HDGFL3: variants seen among roughly 807,000 people sequenced by gnomAD.
HDGFL3 encodes the protein hepatoma-derived growth factor-related protein 3.
A neutral mutation model predicts 27.6 loss-of-function variants in HDGFL3; 6 were observed. The ratio of observed to expected loss-of-function variants is 0.22; its 90% CI spans 0.12 to 0.43. The LOEUF (loss-of-function observed/expected upper bound fraction) is 0.43, where lower values mean the gene tolerates loss of function less well. Ranked by LOEUF, HDGFL3 falls within the 20% of genes least tolerant of loss-of-function variation. HDGFL3 has a pLI of 1.00. For synonymous variants in HDGFL3, 88 were observed against 88.9 expected, an observed-to-expected ratio of 0.99 and a Z score of 0.05; for missense variants, 207 against 250.1, an observed-to-expected ratio of 0.83 and a Z score of 1.16.
intron 5 of HDGFL3, among the ~76,000 whole-genome samples, chr15:83,145,338 G>A (rs1288148946): frequency 1.3e-5 from 2 of 151,834 alleles, no homozygotes; most frequent in Non-Finnish European, 2.9e-5. Context: ...TGAAAACCAC[G>A]GTTAGCCATT....
At chr15:83,151,732 A>T (rs954770628) in intron 4 of HDGFL3, among the ~76,000 whole-genome samples, 2 of 152,256 alleles carry the variant, frequency 1.3e-5, no homozygotes, top group Non-Finnish European at 2.9e-5. Context: ...CCTAAAGGTC[A>T]TCTTGTCCTC....
At chr15:83,185,562 C>A (rs899811205) in intron 1 of HDGFL3, among the ~76,000 whole-genome samples, 75 of 152,052 alleles carry the variant, frequency 4.9e-4, no homozygotes, top group African/African-American at 1.7e-3. Context: ...AGAGGCTACC[C>A]GGAGGCGAGA....
chr15:83,182,794 T>C (rs1375533762), intron 1 of HDGFL3, among the ~76,000 whole-genome samples: 1 of 152,182 alleles, frequency 6.6e-6, no homozygotes, highest in Non-Finnish European at 1.5e-5. Flanking sequence ...GTTATATGCA[T>C]GCTGAAGTAT....
At chr15:83,116,105 C>T (rs2034635386) in intron 3 of HDGFL3, among the ~76,000 whole-genome samples, 1 of 152,168 alleles carries the variant, frequency 6.6e-6, no homozygotes, top group Non-Finnish European at 1.5e-5. Flanking sequence ...GAAAGTGGAG[C>T]AGAAAGGACG....
In HDGFL3 at chr15:83,119,674, G is replaced by T. The variant is rs1227474395; in HGVS notation, c.394-3933C>A. The T allele has an allele frequency of 2.5e-6, 4 of 1,614,068 alleles. No individual in the cohort carries two copies. The African/African-American group carries it at 5.3e-5, about 22-fold the overall frequency. On this transcript the variant is annotated intron_variant, in intron 3 of 3. Transcript: ENST00000568294. ...GTACCTGGTGATGGTGGCAGCCATA[G>T]CATGGGAGTAAGTCAGTTCACCTGG...
chr15:83,190,575 T>G (rs1388272501), intron 1 of HDGFL3, among the ~76,000 whole-genome samples: 2 of 152,180 alleles, frequency 1.3e-5, no homozygotes, highest in African/African-American at 4.8e-5. Flanking sequence ...ATAGGCCTTA[T>G]GTATTTTTTC....
Position 83,129,744 on chromosome 15 carries a change from C to T in HDGFL3, c.*9526G>A, listed in dbSNP as rs17158080. ...TTGTGGGTGGAAGGCAGTGACATTC[C>T]GAGTTGGACTCTGAGGGCCAAGTGG... On this transcript the variant is annotated 3_prime_UTR_variant, in exon 6 of 6. Coordinates refer to ENST00000299633, the MANE Select transcript of HDGFL3 (RefSeq NM_016073.4). 57,515 of 152,160 alleles carry T rather than the reference C, an allele frequency of 0.38. 12,920 individuals are homozygous for T. The highest frequency in any genetic ancestry group is 0.63 in the African/African-American group (26,284 of 41,424). 9.4% of individuals were successfully genotyped at this position (152,160 alleles called of 1,614,324 possible).
chr15:83,179,526 T>C (rs2037353801), intron 1 of HDGFL3, among the ~76,000 whole-genome samples: 1 of 152,162 alleles, frequency 6.6e-6, no homozygotes, highest in Non-Finnish European at 1.5e-5. Flanking sequence ...TGAGAAGTCC[T>C]AAGAACCAGA....
intron 1 of HDGFL3, among the ~76,000 whole-genome samples, chr15:83,203,876 T>C (rs2037683036): frequency 6.6e-6 from 1 of 151,182 alleles, no homozygotes; most frequent in Admixed American, 6.6e-5. Flanking sequence ...ATTAGTGATG[T>C]ATGCTCAAAT....
At chr15:83,163,704 G>T (rs1183374613) in intron 2 of HDGFL3, 1 of 270,276 alleles carries the variant, frequency 3.7e-6, no homozygotes, top group African/African-American at 2.2e-5. Context: ...GAAATTACTG[G>T]GAGTGGTACA....
At chr15:83,154,299 G>A (rs2037001525) in intron 4 of HDGFL3, among the ~76,000 whole-genome samples, 1 of 150,138 alleles carries the variant, frequency 6.7e-6, no homozygotes, top group Non-Finnish European at 1.5e-5. Context: ...TTGCACCACT[G>A]CACACCAGCC....
intron 1 of HDGFL3, among the ~76,000 whole-genome samples, chr15:83,182,827 T>C (rs961842425): frequency 1.3e-5 from 2 of 152,200 alleles, no homozygotes; most frequent in African/African-American, 4.8e-5. Context: ...TAAATTAATG[T>C]CTGCAATTTA....
At chr15:83,185,367 C>A (rs1046722799) in intron 1 of HDGFL3, among the ~76,000 whole-genome samples, 1 of 152,168 alleles carries the variant, frequency 6.6e-6, no homozygotes, top group Non-Finnish European at 1.5e-5. Flanking sequence ...TCATAGAATG[C>A]TGGTATTTGA....
In HDGFL3 at chr15:83,164,367, C is replaced by CAAAAAAAAAAAAAAAAAAAAAAA. The variant is rs869303457; in HGVS notation, c.85-315_85-293dup. On this transcript the variant is annotated intron_variant, in intron 1 of 5. Transcript: ENST00000299633. ...TGTCCTAGTGAAAAATTAGAGTAAC[C>CAAAAAAAAAAAAAAAAAAAAAAA]AAAAAAAAAAAAAAAAAAAAAAAAA... 1.0e-3 allele frequency among the ~76,000 whole-genome samples: 39 copies of CAAAAAAAAAAAAAAAAAAAAAAA among 38,396 alleles called. 2 individuals are homozygous for CAAAAAAAAAAAAAAAAAAAAAAA. The highest frequency in any genetic ancestry group is 1.4e-3 in the Non-Finnish European group (30 of 20,710). 25.2% of individuals were successfully genotyped at this position (38,396 alleles called of 152,430 possible).
intron 3 of HDGFL3, among the ~76,000 whole-genome samples, chr15:83,118,535 C>T (rs1275497253): frequency 6.6e-6 from 1 of 152,112 alleles, no homozygotes; most frequent in Non-Finnish European, 1.5e-5. Flanking sequence ...AGAAGCAGAA[C>T]CTTGATTCTG....
downstream of HDGFL3, among the ~76,000 whole-genome samples, chr15:83,125,513 A>C (rs1596507451): frequency 6.6e-6 from 1 of 152,304 alleles, no homozygotes; most frequent in East Asian, 1.9e-4. Flanking sequence ...TTGGAGATTA[A>C]ATAATGTACA....
intron 1 of HDGFL3, among the ~76,000 whole-genome samples, chr15:83,187,431 A>T (rs1426829992): frequency 6.6e-6 from 1 of 151,894 alleles, no homozygotes; most frequent in Non-Finnish European, 1.5e-5. Context: ...ATACTTTATA[A>T]AATTCTCTGC....
intron 3 of HDGFL3, among the ~76,000 whole-genome samples, chr15:83,117,192 G>A (rs1016872248): frequency 5.3e-5 from 8 of 152,194 alleles, no homozygotes; most frequent in Non-Finnish European, 1.0e-4. Flanking sequence ...GGGAATTCCG[G>A]AGAGAAGGGA....
At chr15:83,182,363 A>C (rs956656020) in intron 1 of HDGFL3, among the ~76,000 whole-genome samples, 2 of 152,330 alleles carry the variant, frequency 1.3e-5, no homozygotes, top group Non-Finnish European at 2.9e-5. Flanking sequence ...TGTCCACACA[A>C]AGATTTGTAC....
Sources: gnomAD v4.1 joint callset for allele counts (sites outside exome capture counted in the v4.1 genomes callset) on GRCh38, gnomAD v4.1.1 for gene constraint, MANE v1.5 for transcripts, NCBI Gene and HGNC (gene_info 2026-07-23, HGNC 2026-07-21) for gene names.